The following NOL4 variants were observed in gnomAD, a reference collection of about 807,000 sequenced individuals.
NOL4 encodes nucleolar protein 4, also known as cancer/testis antigen 125.
In NOL4, 17 loss-of-function variants were observed where a neutral mutation model predicts 75.9. The observed-to-expected ratio is 0.22, with a 90% confidence interval of 0.15 to 0.34. The LOEUF (loss-of-function observed/expected upper bound fraction) is 0.34. Ranked by LOEUF, NOL4 falls within the 10% of genes least tolerant of loss-of-function variation. NOL4 has a pLI of 1.00. For missense variants in NOL4, 614 were observed against 793.5 expected, an observed-to-expected ratio of 0.77 and a Z score of 2.72; for synonymous variants, 292 against 289.9, an observed-to-expected ratio of 1.01 and a Z score of -0.07.
intron 9 of NOL4, among the ~76,000 whole-genome samples, chr18:33,889,443 A>C (rs534244120): frequency 6.6e-6 from 1 of 152,236 alleles, no homozygotes; most frequent in East Asian, 1.9e-4. Context: ...TTCTGGTAGG[A>C]ATTCTACCAG....
intron 9 of NOL4, among the ~76,000 whole-genome samples, chr18:33,893,450 G>A (rs2065216325): frequency 6.6e-6 from 1 of 152,106 alleles, no homozygotes; most frequent in Non-Finnish European, 1.5e-5. Flanking sequence ...CCTAAGAAAT[G>A]CTTTACCTTT....
intron 5 of NOL4, among the ~76,000 whole-genome samples, chr18:34,092,953 C>T (rs191425964): frequency 3.3e-5 from 5 of 152,292 alleles, no homozygotes; most frequent in Non-Finnish European, 7.4e-5. Context: ...CTTTCCTTAA[C>T]AGCTGGATAA....
At chr18:33,895,311 TA>T (rs926964650) in intron 9 of NOL4, among the ~76,000 whole-genome samples, 1 of 152,074 alleles carries the variant, frequency 6.6e-6, no homozygotes, top group African/African-American at 2.4e-5. Context: ...CCGATCAACA[TA>T]AAGCTTAGTT....
intron 10 of NOL4, among the ~76,000 whole-genome samples, chr18:33,858,307 T>C (rs2062927586): frequency 6.6e-6 from 1 of 152,024 alleles, no homozygotes; most frequent in Non-Finnish European, 1.5e-5. Context: ...ACTTTGTTTG[T>C]AGGCCATTTC....
chr18:34,066,054 A>G (rs1185499184), intron 5 of NOL4, among the ~76,000 whole-genome samples: 4 of 151,986 alleles, frequency 2.6e-5, no homozygotes, highest in Non-Finnish European at 4.4e-5. Context: ...AAAAATTATA[A>G]GCAGGTTCAC....
intron 6 of NOL4, among the ~76,000 whole-genome samples, chr18:33,958,852 T>C (rs957365407): frequency 1.3e-5 from 2 of 152,158 alleles, no homozygotes; most frequent in Non-Finnish European, 2.9e-5. Context: ...TAATATTGTA[T>C]TATATCATAT....
At chr18:34,001,407 C>G (rs2073695204) in intron 6 of NOL4, among the ~76,000 whole-genome samples, 1 of 152,124 alleles carries the variant, frequency 6.6e-6, no homozygotes, top group African/African-American at 2.4e-5. Flanking sequence ...TAGCTAAGAA[C>G]AATATTCCCT....
chr18:33,976,242 T>A (rs1320997382), intron 6 of NOL4, among the ~76,000 whole-genome samples: 1 of 152,134 alleles, frequency 6.6e-6, no homozygotes, highest in Non-Finnish European at 1.5e-5. Flanking sequence ...GTGTGCTATA[T>A]GGTTATTGAA....
intron 5 of NOL4, among the ~76,000 whole-genome samples, chr18:34,073,733 A>T (rs2077619938): frequency 6.6e-6 from 1 of 152,120 alleles, no homozygotes; most frequent in Non-Finnish European, 1.5e-5. Context: ...CCTTGTATAT[A>T]TTAAGTAGTG....
chr18:34,002,384 G>A (rs1373358424), intron 6 of NOL4, among the ~76,000 whole-genome samples: 1 of 151,998 alleles, frequency 6.6e-6, no homozygotes, highest in Non-Finnish European at 1.5e-5. Flanking sequence ...AGCTTAGAAT[G>A]CAAAGCTTCT....
intron 1 of NOL4, among the ~76,000 whole-genome samples, chr18:34,209,261 C>T (rs2036347550): frequency 6.9e-6 from 1 of 145,818 alleles, no homozygotes; most frequent in Non-Finnish European, 1.5e-5. Context: ...AATAAAATTA[C>T]ACTACATATA....
intron 5 of NOL4, among the ~76,000 whole-genome samples, chr18:34,084,107 C>T (rs1263532642): frequency 6.6e-6 from 1 of 152,182 alleles, no homozygotes; most frequent in Non-Finnish European, 1.5e-5. Flanking sequence ...TATGAGGTGT[C>T]TGGAGAGTCC....
At chr18:34,170,194 T>TTTTTA (rs2032882429) in intron 1 of NOL4, among the ~76,000 whole-genome samples, 1 of 151,402 alleles carries the variant, frequency 6.6e-6, no homozygotes, top group Non-Finnish European at 1.5e-5. Flanking sequence ...TTTTTTTTTT[T>TTTTTA]GAGACGAAGT....
intron 9 of NOL4, among the ~76,000 whole-genome samples, chr18:33,901,493 G>T (rs1239206713): frequency 8.6e-5 from 13 of 151,986 alleles, no homozygotes. Flanking sequence ...TAGAATAAAT[G>T]ATTCTATTTA....
At chr18:34,056,486 G>C (rs1028569358) in intron 5 of NOL4, among the ~76,000 whole-genome samples, 7 of 152,028 alleles carry the variant, frequency 4.6e-5, no homozygotes, top group Non-Finnish European at 1.0e-4. Flanking sequence ...GCAGCTCTGA[G>C]GACCCACCAT....
chr18:33,921,205 G>C (rs1302206765), intron 9 of NOL4, among the ~76,000 whole-genome samples: 2 of 152,138 alleles, frequency 1.3e-5, no homozygotes, highest in Non-Finnish European at 2.9e-5. Flanking sequence ...ACCATATCCA[G>C]AGTCTTACTC....
At chr18:34,083,451 C>G (rs1210174990) in intron 5 of NOL4, among the ~76,000 whole-genome samples, 2 of 152,180 alleles carry the variant, frequency 1.3e-5, no homozygotes, top group African/African-American at 4.8e-5. Flanking sequence ...ATTCCTTTCT[C>G]TAGTTTAAGA....
chr18:34,076,474 G>C (rs948193600), intron 5 of NOL4, among the ~76,000 whole-genome samples: 2 of 152,134 alleles, frequency 1.3e-5, no homozygotes, highest in African/African-American at 4.8e-5. Context: ...TAACTGGACT[G>C]AGCAAAAGTT....
intron 1 of NOL4, chr18:34,221,062 A>G (rs1159627445): frequency 6.6e-6 from 1 of 152,188 alleles, no homozygotes; most frequent in African/African-American, 2.4e-5. Flanking sequence ...AAAATAGTCA[A>G]TCCTTTAAAA....
Sources: allele counts gnomAD v4.1 joint callset (sites outside exome capture counted in the v4.1 genomes callset), GRCh38; gene constraint gnomAD v4.1.1; transcripts MANE v1.5; gene names NCBI Gene and HGNC (gene_info 2026-07-23, HGNC 2026-07-21).